Variants in RAMP1 observed in about 807,000 individuals in gnomAD.
RAMP1 encodes the protein receptor activity modifying protein 1.
RAMP1 carries 7 observed loss-of-function variants against 8.2 expected under a neutral mutation model. The ratio of observed to expected loss-of-function variants is 0.85; its 90% confidence interval spans 0.49 to 1.60. The LOEUF (loss-of-function observed/expected upper bound fraction) is 1.60, where lower values mean the gene tolerates loss of function less well. Among genes scored for constraint, RAMP1 ranks in the 40% most tolerant of loss-of-function variants. The pLI is 0.00. For synonymous variants in RAMP1, 92 were observed against 84.7 expected, an observed-to-expected ratio of 1.09 and a Z score of -0.47; for missense variants, 192 against 202.4, an observed-to-expected ratio of 0.95 and a Z score of 0.31.
chr2:237,882,225 C>T (rs983421984), intron 2 of RAMP1, among the ~76,000 whole-genome samples: 3 of 152,204 alleles, frequency 2.0e-5, no homozygotes, highest in Non-Finnish European at 4.4e-5. Flanking sequence ...CTTCTTAAAT[C>T]GTCCCTTTCC....
rs540626791 is a variant in RAMP1 at position 237,865,525 on chromosome 2, C to T, written c.52+5798C>T. 2.0e-5 allele frequency among the ~76,000 whole-genome samples: 3 copies of T among 152,252 alleles called. No individual in the cohort carries two copies. Among genetic ancestry groups the T allele is most frequent in the South Asian group, 2.1e-4 (1 of 4,824 alleles). ...CACCGTTTCTCTGAGATGCAGATTTCGCAGGGCCTCCTGTCATTTGCTGCA... is the reference window on the plus strand; with the variant it reads ...CACCGTTTCTCTGAGATGCAGATTTTGCAGGGCCTCCTGTCATTTGCTGCA... On this transcript the variant is annotated intron_variant, in intron 1 of 2. Coordinates refer to ENST00000254661, the MANE Select transcript of RAMP1 (RefSeq NM_005855.4). The surrounding 1 kb of genome is among the most constrained non-coding windows in gnomAD (Gnocchi z 4.2).
At chr2:237,879,989 C>CAGAA in intron 2 of RAMP1, among the ~76,000 whole-genome samples, 2 of 75,864 alleles carry the variant, frequency 2.6e-5, no homozygotes, top group Non-Finnish European at 5.0e-5. Flanking sequence ...GACTTTGTCT[C>CAGAA]AAAAAAAAAA....
intron 2 of RAMP1, among the ~76,000 whole-genome samples, chr2:237,903,123 T>C (rs193061449): frequency 1.9e-3 from 291 of 152,122 alleles, no homozygotes; most frequent in African/African-American, 6.9e-3. Flanking sequence ...CCTCCCAAAG[T>C]GCTAGGATCA....
At chr2:237,902,260 C>T (rs915652881) in intron 2 of RAMP1, among the ~76,000 whole-genome samples, 23 of 127,104 alleles carry the variant, frequency 1.8e-4, no homozygotes, top group Non-Finnish European at 3.3e-4. Context: ...GGAGCAAGGG[C>T]GAGGTGGAAG....
chr2:237,901,165 C>T (rs1409220576), intron 2 of RAMP1, among the ~76,000 whole-genome samples: 2 of 152,244 alleles, frequency 1.3e-5, no homozygotes. Flanking sequence ...GAAGCCCACA[C>T]CCCTGCTCAC....
intron 2 of RAMP1, among the ~76,000 whole-genome samples, chr2:237,887,824 G>A (rs1480023804): frequency 1.3e-5 from 2 of 152,182 alleles, no homozygotes; most frequent in Non-Finnish European, 2.9e-5. Flanking sequence ...TGTAGTCCTA[G>A]GGAGGCTGAA....
intron 1 of RAMP1, among the ~76,000 whole-genome samples, chr2:237,872,178 G>T (rs2062252740): frequency 6.6e-6 from 1 of 152,204 alleles, no homozygotes; most frequent in African/African-American, 2.4e-5. Context: ...GACGATGCCA[G>T]CCCCTCAGCC....
At chr2:237,882,408 C>T (rs909653015) in intron 2 of RAMP1, among the ~76,000 whole-genome samples, 48 of 152,334 alleles carry the variant, frequency 3.2e-4, no homozygotes, top group South Asian at 2.1e-4. Context: ...GAGCACGTAA[C>T]GTACATTGGC....
At chr2:237,870,542 G>C (rs2062235081) in intron 1 of RAMP1, among the ~76,000 whole-genome samples, 1 of 152,156 alleles carries the variant, frequency 6.6e-6, no homozygotes, top group African/African-American at 2.4e-5. Context: ...TATTTTCCTT[G>C]TTCTTCTCTG....
At chr2:237,863,550 A>G (rs566628522) in intron 1 of RAMP1, among the ~76,000 whole-genome samples, 1 of 152,272 alleles carries the variant, frequency 6.6e-6, no homozygotes, top group Admixed American at 6.5e-5. Flanking sequence ...TACTCACTTC[A>G]CCGAATGATG....
At chr2:237,884,467 G>A (rs369367943) in intron 2 of RAMP1, among the ~76,000 whole-genome samples, 34 of 152,226 alleles carry the variant, frequency 2.2e-4, no homozygotes, top group African/African-American at 7.7e-4. Flanking sequence ...AATCTGGAAC[G>A]TGCTGGACTC....
At chr2:237,861,111 C>G (rs2062129206) in intron 1 of RAMP1, among the ~76,000 whole-genome samples, 1 of 152,034 alleles carries the variant, frequency 6.6e-6, no homozygotes, top group Non-Finnish European at 1.5e-5. Flanking sequence ...ACATAAATAA[C>G]CAAATAAATA....
chr2:237,880,637 A>G (rs1198477610), intron 2 of RAMP1, among the ~76,000 whole-genome samples: 1 of 152,200 alleles, frequency 6.6e-6, no homozygotes. Flanking sequence ...GTTTCAAAAA[A>G]TTGGCTTGCC....
intron 2 of RAMP1, among the ~76,000 whole-genome samples, chr2:237,909,607 G>A (rs920574094): frequency 5.9e-5 from 9 of 152,130 alleles, no homozygotes; most frequent in African/African-American, 2.2e-4. Context: ...CGTGGTCTGG[G>A]CTCTACCCAC....
chr2:237,907,618 C>T (rs2062666811), intron 2 of RAMP1, among the ~76,000 whole-genome samples: 1 of 152,150 alleles, frequency 6.6e-6, no homozygotes, highest in Admixed American at 6.6e-5. Context: ...GGAATTCTCT[C>T]TGATGCCATA....
At chr2:237,868,805 C>A (rs565309209) in intron 1 of RAMP1, among the ~76,000 whole-genome samples, 1 of 152,096 alleles carries the variant, frequency 6.6e-6, no homozygotes, top group Non-Finnish European at 1.5e-5. Flanking sequence ...CTCTTTAGCA[C>A]GTGAATTGTT....
At chr2:237,882,847 C>CA (rs1484753595) in intron 2 of RAMP1, among the ~76,000 whole-genome samples, 5 of 152,170 alleles carry the variant, frequency 3.3e-5, no homozygotes, top group African/African-American at 4.8e-5. Flanking sequence ...GGGCAGGTGG[C>CA]ACTGTGTCTG....
intron 2 of RAMP1, among the ~76,000 whole-genome samples, chr2:237,905,024 T>C (rs2062638940): frequency 6.6e-6 from 1 of 152,098 alleles, no homozygotes; most frequent in South Asian, 2.1e-4. Context: ...AACAGTGGTG[T>C]CGGGCCTTGA....
chr2:237,907,353 CATT>C (rs2062664051), intron 2 of RAMP1, among the ~76,000 whole-genome samples: 1 of 152,078 alleles, frequency 6.6e-6, no homozygotes, highest in Non-Finnish European at 1.5e-5. Flanking sequence ...TTATGTCTTT[CATT>C]ATTTTTTTAA....
Sources: allele counts gnomAD v4.1 joint callset (sites outside exome capture counted in the v4.1 genomes callset), GRCh38; gene constraint gnomAD v4.1.1; non-coding constraint Gnocchi (gnomAD v3.1); transcripts MANE v1.5; gene names NCBI Gene and HGNC (gene_info 2026-07-23, HGNC 2026-07-21).